C12orf42: variants seen among roughly 807,000 people sequenced by gnomAD.
C12orf42 encodes chromosome 12 open reading frame 42.
A neutral mutation model predicts 21.6 loss-of-function variants in C12orf42; 25 were observed. The ratio of observed to expected loss-of-function variants is 1.16; its 90% CI spans 0.84 to 1.62. C12orf42 has a LOEUF of 1.62. C12orf42 is among the 40% of genes most tolerant of loss of function. The probability of loss-of-function intolerance (pLI) is 0.00; values close to 1 mark genes in which losing one functional copy is unlikely to be tolerated. For missense variants in C12orf42, 483 were observed against 459.3 expected, an observed-to-expected ratio of 1.05 and a Z score of -0.47; for synonymous variants, 174 against 175.0, an observed-to-expected ratio of 0.99 and a Z score of 0.05.
intron 2 of C12orf42, among the ~76,000 whole-genome samples, chr12:103,403,769 A>C (rs2048215220): frequency 6.6e-6 from 1 of 152,212 alleles, no homozygotes; most frequent in Admixed American, 6.5e-5. Context: ...CCTGCCACTC[A>C]CTCGAACCAT....
At chr12:103,155,866 TAC>T in the C12orf42 span, among the ~76,000 whole-genome samples, 1 of 150,810 alleles carries the variant, frequency 6.6e-6, no homozygotes, top group Admixed American at 6.6e-5. Context: ...AGTGTATATA[TAC>T]ATATATACAT....
intron 3 of C12orf42, among the ~76,000 whole-genome samples, chr12:103,398,483 T>G (rs1419231034): frequency 6.6e-6 from 1 of 152,174 alleles, no homozygotes; most frequent in Admixed American, 6.5e-5. Flanking sequence ...TTATTTTTGT[T>G]TTAAAGCTTG....
the C12orf42 span, among the ~76,000 whole-genome samples, chr12:103,515,295 A>G: frequency 6.6e-6 from 1 of 152,234 alleles, no homozygotes; most frequent in Admixed American, 6.5e-5. Context: ...CAACTTCTTG[A>G]GGTAAAAAAA....
downstream of C12orf42, chr12:103,268,233 G>A (rs2035267365): frequency 6.6e-6 from 1 of 151,420 alleles, no homozygotes; most frequent in African/African-American, 2.4e-5. Flanking sequence ...ATAACAATTG[G>A]AGTAAGCTGT....
chr12:103,148,451 C>T, the C12orf42 span, among the ~76,000 whole-genome samples: 1 of 151,984 alleles, frequency 6.6e-6, no homozygotes, highest in Admixed American at 6.6e-5. Context: ...TTGGCCCACA[C>T]TATACTGATC....
chr12:103,055,499 C>T, the C12orf42 span, among the ~76,000 whole-genome samples: 1,123 of 151,956 alleles, frequency 7.4e-3, 5 homozygotes, highest in Non-Finnish European at 0.012. Context: ...TTCCAAAGAA[C>T]CAGCTCTTTG....
intron 2 of C12orf42, among the ~76,000 whole-genome samples, chr12:103,403,602 C>T (rs1478172847): frequency 6.6e-6 from 1 of 152,178 alleles, no homozygotes; most frequent in Non-Finnish European, 1.5e-5. Context: ...GGATTATCAG[C>T]ATACATGCAT....
intron 4 of C12orf42, among the ~76,000 whole-genome samples, chr12:103,363,340 A>C (rs954750951): frequency 6.6e-6 from 1 of 152,152 alleles, no homozygotes; most frequent in Non-Finnish European, 1.5e-5. Context: ...AACTGCTAAA[A>C]GGAGCTCTAA....
the C12orf42 span, among the ~76,000 whole-genome samples, chr12:103,158,934 A>G: frequency 3.3e-3 from 502 of 152,132 alleles, 2 homozygotes; most frequent in African/African-American, 0.012. Flanking sequence ...TTTTACATCA[A>G]TTACAATAAA....
the C12orf42 span, among the ~76,000 whole-genome samples, chr12:103,104,341 G>A: frequency 1.3e-5 from 2 of 152,216 alleles, no homozygotes; most frequent in African/African-American, 4.8e-5. Context: ...CAGCCAGAGT[G>A]AAGACTGAAC....
intron 2 of C12orf42, among the ~76,000 whole-genome samples, chr12:103,437,459 T>C (rs1950820704): frequency 1.3e-5 from 2 of 151,922 alleles, no homozygotes; most frequent in African/African-American, 4.8e-5. Flanking sequence ...AATTAATGAA[T>C]CCAGGAGCTG....
intron 2 of C12orf42, among the ~76,000 whole-genome samples, chr12:103,450,445 T>C (rs890422525): frequency 2.6e-5 from 4 of 152,260 alleles, no homozygotes; most frequent in Non-Finnish European, 5.9e-5. Context: ...GTTCATGAAA[T>C]TGTTCTATAA....
rs1382917519 is a variant in C12orf42, at chr12:103,481,418, C to T, written c.-21-2971G>A. 1.9e-4 allele frequency among the ~76,000 whole-genome samples: 29 copies of T among 151,872 alleles called. 1 individual carries two copies. Among genetic ancestry groups the T allele is most frequent in the Admixed American group, 1.9e-3 (29 of 15,258 alleles). On this transcript the variant is annotated intron_variant, in intron 1 of 5. Transcript: ENST00000548883. ...GATCAAGAGTCTGTCACATCCTAAT[C>T]CTACTCATCTCTCAACAGAAGAAAA...
At chr12:103,288,636 C>T (rs2036614840) in intron 4 of C12orf42, among the ~76,000 whole-genome samples, 1 of 152,106 alleles carries the variant, frequency 6.6e-6, no homozygotes, top group Non-Finnish European at 1.5e-5. Flanking sequence ...TTCAGATGCT[C>T]TGTAAACCAC....
chr12:103,460,548 A>G (rs1277118339), intron 2 of C12orf42, among the ~76,000 whole-genome samples: 2 of 152,148 alleles, frequency 1.3e-5, no homozygotes, highest in Non-Finnish European at 2.9e-5. Context: ...GCTCTCCAGT[A>G]CTGCTTTTCT....
At chr12:103,375,625 TGTTCAGCTTGTAG>T (rs1310387036) in intron 3 of C12orf42, among the ~76,000 whole-genome samples, 1 of 152,214 alleles carries the variant, frequency 6.6e-6, no homozygotes, top group Non-Finnish European at 1.5e-5. Flanking sequence ...AATATTAATT[TGTTCAGCTTGTAG>T]GTTCAGATTG....
the C12orf42 span, among the ~76,000 whole-genome samples, chr12:103,192,005 A>G: frequency 1.3e-5 from 2 of 152,138 alleles, no homozygotes; most frequent in African/African-American, 2.4e-5. Context: ...ATTCTATAGT[A>G]TACAATATAT....
At chr12:103,494,284 C>A (rs912401788) in intron 1 of C12orf42, among the ~76,000 whole-genome samples, 1 of 152,176 alleles carries the variant, frequency 6.6e-6, no homozygotes. Context: ...GCCACTTGTT[C>A]TAAACCTGTT....
intron 2 of C12orf42, among the ~76,000 whole-genome samples, chr12:103,444,732 CTCT>C (rs1420835904): frequency 6.6e-6 from 1 of 152,010 alleles, no homozygotes; most frequent in East Asian, 1.9e-4. Flanking sequence ...TAAGCAAGTT[CTCT>C]TCTTCTTTAT....
Sources: allele counts gnomAD v4.1 joint callset (sites outside exome capture counted in the v4.1 genomes callset), GRCh38; gene constraint gnomAD v4.1.1; transcripts MANE v1.5; gene names NCBI Gene and HGNC (gene_info 2026-07-23, HGNC 2026-07-21).